Variants in CTNND2 observed in about 807,000 individuals in gnomAD.
CTNND2 encodes catenin delta-2.
A neutral mutation model predicts 144.4 loss-of-function variants in CTNND2; 22 were observed. The observed-to-expected ratio is 0.15, with a 90% CI of 0.11 to 0.22. The LOEUF is 0.22. Ranked by LOEUF, CTNND2 falls within the 10% of genes least tolerant of loss-of-function variation. The pLI is 1.00. For missense variants in CTNND2, 1,353 were observed against 1,618.8 expected (o/e 0.84, Z 2.82); for synonymous variants, 751 against 695.6 (o/e 1.08, Z -1.25).
intron 16 of CTNND2, among the ~76,000 whole-genome samples, chr5:11,037,421 A>T (rs1197683815): frequency 1.3e-5 from 2 of 152,164 alleles, no homozygotes; most frequent in Non-Finnish European, 2.9e-5. Flanking sequence ...TCGACACTTC[A>T]TAGAATAGAA....
chr5:11,090,866 A>G (rs1750700382), intron 15 of CTNND2, among the ~76,000 whole-genome samples: 1 of 151,116 alleles, frequency 6.6e-6, no homozygotes, highest in South Asian at 2.1e-4. Context: ...GTTGTTGCTG[A>G]TAAGAAATCT....
At chr5:11,022,069 G>A (rs1272440495) in intron 17 of CTNND2, among the ~76,000 whole-genome samples, 3 of 152,108 alleles carry the variant, frequency 2.0e-5, no homozygotes, top group African/African-American at 7.2e-5. Context: ...TATTCAAGGA[G>A]GTGCAGTTGC....
chr5:11,604,367 C>A (rs116633722), intron 2 of CTNND2, among the ~76,000 whole-genome samples: 151 of 152,294 alleles, frequency 9.9e-4, no homozygotes, highest in African/African-American at 3.4e-3. Flanking sequence ...AAATTCTTTA[C>A]ATATACCATC....
intron 7 of CTNND2, among the ~76,000 whole-genome samples, chr5:11,380,526 T>G (rs918002823): frequency 2.0e-5 from 3 of 152,144 alleles, no homozygotes; most frequent in Non-Finnish European, 4.4e-5. Context: ...CAAGGCAGAG[T>G]TGGCTTTCCA....
In CTNND2 at chr5:11,534,209, G is replaced by T. The variant is rs187851729; in HGVS notation, c.287+30735C>A. On this transcript the variant is annotated intron_variant, in intron 3 of 21. Coordinates refer to ENST00000304623, the MANE Select transcript of CTNND2 (RefSeq NM_001332.4). ...AAAAATTGAAAACCCCAAGTTTGTT[G>T]TAAGTAACTGCTGACTCCCACAGTT... 7.2e-5 allele frequency among the ~76,000 whole-genome samples: 11 copies of T among 152,292 alleles called. No individual in the cohort carries two copies. The East Asian group carries it at 2.1e-3, about 29-fold the overall frequency.
rs1284520618 is a variant in CTNND2 at position 11,062,649 on chromosome 5, G to C, written c.2788+20047C>G. 7.2e-5 allele frequency among the ~76,000 whole-genome samples: 11 copies of C among 152,214 alleles called. 1 individual carries two copies. Among genetic ancestry groups the C allele is most frequent in the Admixed American group, 7.2e-4 (11 of 15,288 alleles). Reference sequence around the variant, plus strand: ...AGCTCATAGCTATAGTTCCACTGGGGGCAGGCTCCCCTGGGGCAGACTCCA... The same window carrying C: ...AGCTCATAGCTATAGTTCCACTGGGCGCAGGCTCCCCTGGGGCAGACTCCA... On this transcript the variant is annotated intron_variant, in intron 16 of 21. Coordinates refer to ENST00000304623, the MANE Select transcript of CTNND2 (RefSeq NM_001332.4).
At chr5:11,817,402 GA>G (rs1251964271) in intron 1 of CTNND2, among the ~76,000 whole-genome samples, 1,269 of 45,650 alleles carry the variant, frequency 0.028, 255 homozygotes, top group Non-Finnish European at 0.042. Context: ...GAGAGAGAGA[GA>G]GAGGAGGGAG....
intron 7 of CTNND2, among the ~76,000 whole-genome samples, chr5:11,375,999 T>G (rs1330772495): frequency 1.3e-5 from 2 of 151,980 alleles, no homozygotes; most frequent in Non-Finnish European, 2.9e-5. Context: ...GATGAGGTCA[T>G]GAGGGTGGAC....
intron 3 of CTNND2, among the ~76,000 whole-genome samples, chr5:11,464,110 T>A (rs1407005749): frequency 6.6e-6 from 1 of 152,238 alleles, no homozygotes; most frequent in Non-Finnish European, 1.5e-5. Context: ...TGTTCATTCA[T>A]TCATCTGATA....
At chr5:11,843,985 A>G (rs1201210122) in intron 1 of CTNND2, among the ~76,000 whole-genome samples, 1 of 152,184 alleles carries the variant, frequency 6.6e-6, no homozygotes, top group African/African-American at 2.4e-5. Flanking sequence ...GCTGTCTTTA[A>G]GAAAACAATT....
chr5:11,578,576 G>A (rs1174355454), intron 2 of CTNND2, among the ~76,000 whole-genome samples: 4 of 152,002 alleles, frequency 2.6e-5, no homozygotes, highest in Non-Finnish European at 4.4e-5. Context: ...CAGGTAAATC[G>A]CTTGAACTCG....
At chr5:11,587,487 T>G (rs1243466726) in intron 2 of CTNND2, among the ~76,000 whole-genome samples, 4 of 151,972 alleles carry the variant, frequency 2.6e-5, no homozygotes, top group Non-Finnish European at 5.9e-5. Flanking sequence ...AAAATATCCA[T>G]GGGTAGGCAA....
At chr5:11,696,413 C>G (rs1175150661) in intron 2 of CTNND2, among the ~76,000 whole-genome samples, 1 of 152,228 alleles carries the variant, frequency 6.6e-6, no homozygotes, top group East Asian at 1.9e-4. Flanking sequence ...ACCACTAGTT[C>G]AAGCCCCACT....
chr5:10,999,464 A>G (rs28558276), intron 18 of CTNND2, among the ~76,000 whole-genome samples: 10,428 of 152,244 alleles, frequency 0.068, 395 homozygotes, highest in East Asian at 0.11. Flanking sequence ...TAGGGGTTAG[A>G]TAAGAAAGCC....
At chr5:11,089,133 A>G (rs774760686) in intron 15 of CTNND2, among the ~76,000 whole-genome samples, 57 of 152,334 alleles carry the variant, frequency 3.7e-4, no homozygotes, top group Admixed American at 1.0e-3. Flanking sequence ...GCCTGGGTGA[A>G]TTAATTCGTG....
chr5:11,064,165 G>T (rs111820457), intron 16 of CTNND2, among the ~76,000 whole-genome samples: 1 of 152,142 alleles, frequency 6.6e-6, no homozygotes, highest in South Asian at 2.1e-4. Flanking sequence ...TGAAGGCAAG[G>T]TGTGTTCCCT....
At chr5:11,645,582 T>C (rs67689550) in intron 2 of CTNND2, among the ~76,000 whole-genome samples, 12,707 of 152,246 alleles carry the variant, frequency 0.083, 604 homozygotes, top group Non-Finnish European at 0.11. Context: ...TTTGAATATA[T>C]CAATAATCAT....
intron 3 of CTNND2, among the ~76,000 whole-genome samples, chr5:11,414,261 T>G (rs1190066557): frequency 6.6e-6 from 1 of 152,176 alleles, no homozygotes; most frequent in Non-Finnish European, 1.5e-5. Context: ...TTTGAACTTT[T>G]GGTCTCCAAA....
intron 3 of CTNND2, among the ~76,000 whole-genome samples, chr5:11,443,918 C>A (rs572768410): frequency 6.6e-6 from 1 of 152,278 alleles, no homozygotes; most frequent in African/African-American, 2.4e-5. Context: ...CCACTTAATC[C>A]TTTTATTTCT....
Sources: gnomAD v4.1 joint callset for allele counts (sites outside exome capture counted in the v4.1 genomes callset) on GRCh38, gnomAD v4.1.1 for gene constraint, MANE v1.5 for transcripts, NCBI Gene and HGNC (gene_info 2026-07-23, HGNC 2026-07-21) for gene names.